Variants in INSYN2A observed in about 807,000 individuals in gnomAD.
The protein encoded by INSYN2A is inhibitory synaptic factor 2A, also known as family with sequence similarity 196 member A.
Under a neutral mutation model 39.4 loss-of-function variants are expected in INSYN2A, and 17 were observed. The observed-to-expected ratio is 0.43, with a 90% CI of 0.30 to 0.65. The LOEUF (loss-of-function observed/expected upper bound fraction) is 0.65. Among genes scored for constraint, INSYN2A ranks in the 30% least tolerant of loss-of-function variants. INSYN2A has a pLI of 0.14. For synonymous variants in INSYN2A, 255 were observed against 265.7 expected, an observed-to-expected ratio of 0.96 and a Z score of 0.39; for missense variants, 595 against 631.2, an observed-to-expected ratio of 0.94 and a Z score of 0.61.
At chr10:127,195,230 C>T (rs2057025136) in intron 1 of INSYN2A, among the ~76,000 whole-genome samples, 2 of 152,208 alleles carry the variant, frequency 1.3e-5, no homozygotes, top group Non-Finnish European at 2.9e-5. Flanking sequence ...CTTTGGGCTC[C>T]AGGAGCTGCC....
intron 5 of INSYN2A, among the ~76,000 whole-genome samples, chr10:127,140,989 G>A (rs981048714): frequency 3.9e-5 from 6 of 152,138 alleles, no homozygotes; most frequent in African/African-American, 7.2e-5. Flanking sequence ...CCTGCTGCCC[G>A]GCAGACCTGT....
intron 5 of INSYN2A, among the ~76,000 whole-genome samples, chr10:127,153,472 G>T (rs890935050): frequency 3.9e-5 from 6 of 152,186 alleles, no homozygotes; most frequent in Admixed American, 1.3e-4. Flanking sequence ...TCTTTCCATG[G>T]TATTCCTAGC....
At chr10:127,190,898 C>T (rs1190081044) in intron 2 of INSYN2A, among the ~76,000 whole-genome samples, 3 of 152,012 alleles carry the variant, frequency 2.0e-5, no homozygotes, top group African/African-American at 7.2e-5. Flanking sequence ...GTCTCCAACT[C>T]CTCTCCTCTG....
chr10:127,170,794 GC>G (rs1388347741), intron 4 of INSYN2A, among the ~76,000 whole-genome samples: 1 of 152,162 alleles, frequency 6.6e-6, no homozygotes, highest in Non-Finnish European at 1.5e-5. Context: ...TATTTAGGTA[GC>G]CTGTGTGACC....
intron 4 of INSYN2A, among the ~76,000 whole-genome samples, chr10:127,157,883 C>G (rs2053234288): frequency 1.3e-5 from 2 of 152,140 alleles, no homozygotes; most frequent in African/African-American, 4.8e-5. Flanking sequence ...AAGTGTTGAC[C>G]TTGTCATGTG....
chr10:127,178,516 CAG>C (rs1564875439), intron 2 of INSYN2A, among the ~76,000 whole-genome samples: 1 of 152,194 alleles, frequency 6.6e-6, no homozygotes, highest in Non-Finnish European at 1.5e-5. Context: ...AGCCTGGGAG[CAG>C]AGTCTTGCCT....
At chr10:127,164,231 T>C (rs546372893) in intron 4 of INSYN2A, among the ~76,000 whole-genome samples, 6 of 124,284 alleles carry the variant, frequency 4.8e-5, no homozygotes, top group Admixed American at 4.1e-4. Flanking sequence ...TCACCCAGGC[T>C]GGAGTGCAGA....
At chr10:127,192,143 CTCT>C (rs1210171933) in intron 2 of INSYN2A, among the ~76,000 whole-genome samples, 1 of 152,140 alleles carries the variant, frequency 6.6e-6, no homozygotes, top group Non-Finnish European at 1.5e-5. Context: ...ATGTAAGACT[CTCT>C]TCTTTTCTTT....
intron 5 of INSYN2A, 92 bp from the exon 6 acceptor site, chr10:127,138,112 T>A: frequency 8.9e-7 from 1 of 1,121,896 alleles, no homozygotes. Flanking sequence ...ATGATCAGTG[T>A]GTGTTTGTAA....
intron 5 of INSYN2A, among the ~76,000 whole-genome samples, chr10:127,139,552 A>G (rs1015320078): frequency 1.3e-5 from 2 of 152,182 alleles, no homozygotes; most frequent in African/African-American, 4.8e-5. Flanking sequence ...AATCCAGACT[A>G]CGTGATGATG....
At chr10:127,150,459 C>G (rs1564843602) in intron 5 of INSYN2A, among the ~76,000 whole-genome samples, 1 of 152,128 alleles carries the variant, frequency 6.6e-6, no homozygotes, top group Non-Finnish European at 1.5e-5. Context: ...TTACATAAGC[C>G]CTCTTAGCTG....
chr10:127,157,836 G>C (rs2053230472), intron 4 of INSYN2A, among the ~76,000 whole-genome samples: 1 of 152,224 alleles, frequency 6.6e-6, no homozygotes, highest in African/African-American at 2.4e-5. Flanking sequence ...TGGAGTCCAT[G>C]AATGTCAGCA....
chr10:127,135,698 TC>T lies in INSYN2A; in HGVS notation c.*2138del, dbSNP rs1404464700. 2 of 152,670 alleles carry T rather than the reference TC, an allele frequency of 1.3e-5. No individual in the cohort carries two copies. Among genetic ancestry groups the T allele is most frequent in the Non-Finnish European group, 2.9e-5 (2 of 68,046 alleles). The allele number at this position is 152,670 out of a possible 1,614,324, so 9.5% of individuals were successfully genotyped here. A position where few individuals can be genotyped will look rare whatever the true frequency, so the allele number is the denominator to read the frequency against. The stretch of plus-strand genomic sequence containing the variant: ...TTTTTAGGGATGAATTAATTTATCT[TC>T]AGAAGTTCCTTTTTGACTCTGAACA... On this transcript the variant is annotated 3_prime_UTR_variant, in exon 6 of 6. Transcript: ENST00000522781.
At chr10:127,182,504 G>A (rs1475362314) in intron 2 of INSYN2A, among the ~76,000 whole-genome samples, 11 of 152,106 alleles carry the variant, frequency 7.2e-5, no homozygotes, top group Admixed American at 6.6e-4. Context: ...TCACTACCCA[G>A]TTCTTTGATT....
chr10:127,146,848 C>G (rs1225036308), intron 5 of INSYN2A, among the ~76,000 whole-genome samples: 1 of 152,166 alleles, frequency 6.6e-6, no homozygotes, highest in Admixed American at 6.5e-5. Context: ...ATTCTGCATA[C>G]AAATGCAATT....
At chr10:127,168,441 C>T (rs1327453929) in intron 4 of INSYN2A, among the ~76,000 whole-genome samples, 1 of 152,244 alleles carries the variant, frequency 6.6e-6, no homozygotes, top group Non-Finnish European at 1.5e-5. Context: ...TTTCTCTCTG[C>T]TGCTCACAAT....
chr10:127,145,774 C>CA, intron 5 of INSYN2A: 1 of 290,822 alleles, frequency 3.4e-6, no homozygotes, highest in Non-Finnish European at 6.8e-6. Flanking sequence ...CAGGAGCTCC[C>CA]ACTCCATCCT....
Position 127,175,243 on chromosome 10 carries a change from C to A in INSYN2A, c.1153G>T (p.Glu385Ter). 1.2e-6 allele frequency: 2 copies of A among 1,613,686 alleles called. No individual in the cohort carries two copies. The highest frequency in any genetic ancestry group is 1.7e-6 in the Non-Finnish European group (2 of 1,179,874). Residue 385 changes from glutamate (E) to a stop codon, truncating the protein, a stop_gained, in exon 4 of 6, where the codon GAG becomes TAG. Transcript: ENST00000522781. LOFTEE classifies it high-confidence loss of function. The surrounding 1 kb of genome is among the most constrained non-coding windows in gnomAD (Gnocchi z 6.3). Reference protein sequence around the residue: ...TIKVLLGVIQELEKGEAHREG... With the variant: ...TIKVLLGVIQ ...CGATGGGCCTCTCCTTTTTCCAACT[C>A]CTGAATGACCCCCAAGAGCACTTTG...
intron 5 of INSYN2A, among the ~76,000 whole-genome samples, chr10:127,141,864 T>C (rs919525121): frequency 6.6e-6 from 1 of 152,206 alleles, no homozygotes; most frequent in African/African-American, 2.4e-5. Flanking sequence ...GTCTGTGGCC[T>C]GGTTCTATTC....
Sources: gnomAD v4.1 joint callset for allele counts (sites outside exome capture counted in the v4.1 genomes callset) on GRCh38, gnomAD v4.1.1 for gene constraint, Gnocchi (gnomAD v3.1) non-coding constraint, MANE v1.5 for transcripts, NCBI Gene and HGNC (gene_info 2026-07-23, HGNC 2026-07-21) for gene names.